The following NTM variants were observed in gnomAD, a reference collection of about 807,000 sequenced individuals.
The protein encoded by NTM is neurotrimin.
In NTM, 13 loss-of-function variants were observed where a neutral mutation model predicts 42.1. That is an observed-to-expected ratio of 0.31 (90% CI 0.20 to 0.49). NTM has a LOEUF of 0.49. Among genes scored for constraint, NTM ranks in the 20% least tolerant of loss-of-function variants. NTM has a pLI of 0.99. For missense variants in NTM, 373 were observed against 452.8 expected (o/e 0.82, Z 1.60); for synonymous variants, 187 against 179.2 (o/e 1.04, Z -0.35).
intron 4 of NTM, among the ~76,000 whole-genome samples, chr11:132,249,453 A>G (rs2091667233): frequency 6.6e-6 from 1 of 152,146 alleles, no homozygotes; most frequent in African/African-American, 2.4e-5. Context: ...CCTGCAGGAG[A>G]TGGACAACAT....
chr11:131,567,761 C>G (rs2057041864), intron 1 of NTM, among the ~76,000 whole-genome samples: 1 of 152,212 alleles, frequency 6.6e-6, no homozygotes, highest in Non-Finnish European at 1.5e-5. Context: ...CAAATTATTT[C>G]ACAAAGATGC....
At chr11:131,767,254 T>A in intron 1 of NTM, 1 of 349,306 alleles carries the variant, frequency 2.9e-6, no homozygotes, top group Non-Finnish European at 4.0e-6. Flanking sequence ...TTGTAAGAAT[T>A]AAACAAGAAT....
intron 1 of NTM, among the ~76,000 whole-genome samples, chr11:131,427,659 C>G (rs988182653): frequency 6.6e-6 from 1 of 152,236 alleles, no homozygotes; most frequent in African/African-American, 2.4e-5. Flanking sequence ...GAAAGTGGGT[C>G]TCTAAGTTTT....
chr11:132,070,922 ACACG>A, intron 2 of NTM, among the ~76,000 whole-genome samples: 1 of 142,598 alleles, frequency 7.0e-6, no homozygotes. Flanking sequence ...AGGTTAGTTA[ACACG>A]TCACACAGCC....
rs1277622487 is a variant in NTM, at chr11:132,324,684, G to A, written c.935-5469G>A. Among the ~76,000 whole-genome samples the A allele has an allele frequency of 3.0e-4, 36 of 119,332 alleles. 1 individual carries two copies. The highest frequency in any genetic ancestry group is 7.3e-4 in the Admixed American group (9 of 12,374). The allele number at this position is 119,332 out of a possible 152,430, so 78.3% of individuals were successfully genotyped here. Reference sequence around the variant, plus strand: ...TTGGAAAAAAAACTAAAGTTCATACGGAACCAAAAAAGAGCCTGCATCGCC... The same window carrying A: ...TTGGAAAAAAAACTAAAGTTCATACAGAACCAAAAAAGAGCCTGCATCGCC... On this transcript the variant is annotated intron_variant, in intron 7 of 8. Coordinates refer to ENST00000683400, the MANE Select transcript of NTM (RefSeq NM_001352005.2).
chr11:131,626,320 C>T (rs1030705333), intron 1 of NTM, among the ~76,000 whole-genome samples: 4 of 152,058 alleles, frequency 2.6e-5, no homozygotes, highest in South Asian at 2.1e-4. Flanking sequence ...ATACTACAAA[C>T]GTATATGATA....
intron 4 of NTM, among the ~76,000 whole-genome samples, chr11:132,228,012 G>A (rs548537162): frequency 8.5e-5 from 13 of 152,248 alleles, no homozygotes; most frequent in African/African-American, 1.4e-4. Context: ...AAGCAGGGGC[G>A]TATGAATGTA....
rs190798614 is a variant in NTM, at chr11:132,122,450, G to A, written c.168-23832G>A. On this transcript the variant is annotated intron_variant, in intron 2 of 8. Transcript: ENST00000683400. ...AAATCCAGGAGGTTTTCATAGGAAT[G>A]AATACTTGTAACCTAAACTGGGGCT... Among the ~76,000 whole-genome samples, 5 of 152,312 alleles carry A rather than the reference G, an allele frequency of 3.3e-5. No individual in the cohort carries two copies. The South Asian group carries it at 1.0e-3, about 32-fold the overall frequency.
chr11:131,656,423 A>T (rs1325788392), intron 1 of NTM, among the ~76,000 whole-genome samples: 4 of 152,242 alleles, frequency 2.6e-5, no homozygotes, highest in African/African-American at 9.6e-5. Context: ...GCGATGCAGC[A>T]TGGGCTGTGA....
At chr11:131,476,798 C>T (rs1020265520) in intron 1 of NTM, among the ~76,000 whole-genome samples, 82 of 137,632 alleles carry the variant, frequency 6.0e-4, no homozygotes, top group Non-Finnish European at 5.4e-4. Context: ...CCCACATAGG[C>T]GGAAAAGCTC....
At chr11:131,688,865 C>T (rs1426069051) in intron 1 of NTM, among the ~76,000 whole-genome samples, 3 of 152,240 alleles carry the variant, frequency 2.0e-5, no homozygotes, top group Non-Finnish European at 2.9e-5. Flanking sequence ...GGTGTCCCAT[C>T]CCCGTCTGAG....
At chr11:131,663,896 T>C (rs2134511417) in intron 1 of NTM, among the ~76,000 whole-genome samples, 1 of 152,364 alleles carries the variant, frequency 6.6e-6, no homozygotes, top group Non-Finnish European at 1.5e-5. Context: ...AGCGATGAGA[T>C]AATTTGCCCA....
intron 4 of NTM, among the ~76,000 whole-genome samples, chr11:132,239,393 C>T (rs2139179034): frequency 6.6e-6 from 1 of 152,304 alleles, no homozygotes; most frequent in South Asian, 2.1e-4. Flanking sequence ...ATCCCATAAA[C>T]CTAGCCCAGG....
At chr11:132,237,849 C>G (rs2089358236) in intron 4 of NTM, among the ~76,000 whole-genome samples, 1 of 152,206 alleles carries the variant, frequency 6.6e-6, no homozygotes, top group African/African-American at 2.4e-5. Context: ...ATTCGCTGAA[C>G]CCTTTCAATA....
intron 1 of NTM, among the ~76,000 whole-genome samples, chr11:131,901,170 T>G (rs1005991414): frequency 3.9e-5 from 6 of 152,246 alleles, no homozygotes; most frequent in Admixed American, 1.3e-4. Context: ...GTATTATTCC[T>G]TTTTAATAGA....
chr11:131,727,079 T>C lies in NTM; in HGVS notation c.83-184485T>C, dbSNP rs2079061437. 1.3e-5 allele frequency among the ~76,000 whole-genome samples: 2 copies of C among 151,300 alleles called. 1 individual carries two copies. Among genetic ancestry groups the C allele is most frequent in the African/African-American group, 4.9e-5 (2 of 40,580 alleles). On this transcript the variant is annotated intron_variant, in intron 1 of 8. Transcript: ENST00000683400. ...ACACAGCCAAGTGGAGCAGCTCCTCTCTGTTGCCTCCTAACACTTCTTCCT... is the reference window on the plus strand; with the variant it reads ...ACACAGCCAAGTGGAGCAGCTCCTCCCTGTTGCCTCCTAACACTTCTTCCT...
At chr11:131,931,493 GTGTGTGTGTGTA>G (rs2058612821) in intron 2 of NTM, among the ~76,000 whole-genome samples, 1 of 151,672 alleles carries the variant, frequency 6.6e-6, no homozygotes, top group African/African-American at 2.4e-5. Context: ...GTGTGTGTGT[GTGTGTGTGTGTA>G]TGTGTGTGTG....
intron 2 of NTM, among the ~76,000 whole-genome samples, chr11:132,141,242 T>TCTCTCTCTCC (rs1437704315): frequency 3.3e-5 from 5 of 152,016 alleles, no homozygotes; most frequent in Non-Finnish European, 7.4e-5. Context: ...TTTCTGTCTC[T>TCTCTCTCTCC]CTCTCTCTCC....
chr11:131,730,443 G>A (rs570846055), intron 1 of NTM, among the ~76,000 whole-genome samples: 96 of 152,192 alleles, frequency 6.3e-4, no homozygotes, highest in African/African-American at 2.0e-3. Context: ...GGCCAGGTTC[G>A]GTGGCTCACA....
Sources: allele counts gnomAD v4.1 joint callset (sites outside exome capture counted in the v4.1 genomes callset), GRCh38; gene constraint gnomAD v4.1.1; transcripts MANE v1.5; gene names NCBI Gene and HGNC (gene_info 2026-07-23, HGNC 2026-07-21).